The following PCDHA6 variants were observed in gnomAD, a reference collection of about 807,000 sequenced individuals.
PCDHA6 encodes protocadherin alpha-6.
A neutral mutation model predicts 60.3 loss-of-function variants in PCDHA6; 55 were observed. The ratio of observed to expected loss-of-function variants is 0.91; its 90% CI spans 0.73 to 1.14. PCDHA6 has a LOEUF of 1.14. Ranked by LOEUF, PCDHA6 falls within the 50% of genes most tolerant of loss-of-function variation. The pLI, the probability that PCDHA6 is intolerant of heterozygous loss-of-function variation, is 0.00. For missense variants in PCDHA6, 1,327 were observed against 1,256.5 expected (o/e 1.06, Z -0.85); for synonymous variants, 652 against 557.9 (o/e 1.17, Z -2.38).
intron 1 of PCDHA6, among the ~76,000 whole-genome samples, chr5:140,950,372 C>G (rs1369892292): frequency 1.3e-5 from 2 of 151,918 alleles, no homozygotes; most frequent in African/African-American, 4.8e-5. Context: ...ATCTATTTAT[C>G]TTCCATTTGA....
chr5:140,851,824 T>C (rs1336167909), intron 1 of PCDHA6: 1 of 964,578 alleles, frequency 1.0e-6, no homozygotes, highest in Non-Finnish European at 1.3e-6. Context: ...CAGAAATCTG[T>C]TTTTTTAAAA....
intron 1 of PCDHA6, chr5:140,967,751 T>G: frequency 6.2e-7 from 1 of 1,614,138 alleles, no homozygotes; most frequent in African/African-American, 1.3e-5. Context: ...TGAGGAAGCC[T>G]CCTCCTACCA....
intron 2 of PCDHA6, among the ~76,000 whole-genome samples, chr5:140,982,016 A>C (rs2096962660): frequency 6.6e-6 from 1 of 152,260 alleles, no homozygotes; most frequent in African/African-American, 2.4e-5. Context: ...TTAGATAGCC[A>C]AATTGGAACA....
chr5:140,990,332 T>C (rs1458187543), intron 3 of PCDHA6, among the ~76,000 whole-genome samples: 1 of 152,100 alleles, frequency 6.6e-6, no homozygotes, highest in Non-Finnish European at 1.5e-5. Flanking sequence ...ACTTTAAAAA[T>C]AAGTAAAGCC....
chr5:140,882,731 G>C, intron 1 of PCDHA6: 1 of 1,614,232 alleles, frequency 6.2e-7, no homozygotes, highest in Non-Finnish European at 8.5e-7. Flanking sequence ...ATTTCCACTA[G>C]ATGGCGCATC....
chr5:140,865,725 A>T (rs1326307411), intron 1 of PCDHA6: 1 of 152,210 alleles, frequency 6.6e-6, no homozygotes, highest in Non-Finnish European at 1.5e-5. Context: ...AGAAGCTGAG[A>T]TGTGTATCTA....
intron 1 of PCDHA6, chr5:140,875,972 T>C (rs782102743): frequency 3.1e-6 from 5 of 1,614,068 alleles, no homozygotes; most frequent in Non-Finnish European, 4.2e-6. Flanking sequence ...GTAAACTCTC[T>C]TTTGACCTAT....
chr5:140,890,635 C>G (rs1015207309), intron 1 of PCDHA6, among the ~76,000 whole-genome samples: 1 of 152,114 alleles, frequency 6.6e-6, no homozygotes, highest in Non-Finnish European at 1.5e-5. Flanking sequence ...AAGCATGTAT[C>G]CTTGATATAT....
At chr5:140,973,862 A>G (rs1438238778) in intron 1 of PCDHA6, among the ~76,000 whole-genome samples, 2 of 152,196 alleles carry the variant, frequency 1.3e-5, no homozygotes, top group Non-Finnish European at 2.9e-5. Flanking sequence ...TTTGCTCTCA[A>G]TGAGAGGTCA....
chr5:140,927,037 G>T lies in PCDHA6; in HGVS notation c.2395-51912G>T, dbSNP rs782765718. On this transcript the variant is annotated intron_variant, in intron 1 of 3. Coordinates refer to ENST00000529310, the MANE Select transcript of PCDHA6 (RefSeq NM_018909.4). ...CGCGGACTTGAGGCTGCCAGCGGCC[G>T]CTATGTCCTCGCGGAACTTTCGCTT... The T allele has an allele frequency of 3.7e-6, 6 of 1,612,000 alleles. No homozygotes were observed. The Admixed American group carries it at 6.7e-5, about 18-fold the overall frequency.
chr5:140,917,329 G>GC (rs1563018868), intron 1 of PCDHA6, among the ~76,000 whole-genome samples: 1 of 143,930 alleles, frequency 6.9e-6, no homozygotes, highest in Non-Finnish European at 1.5e-5. Flanking sequence ...TGTGGCGGGG[G>GC]AGGGGGGGGA....
At chr5:141,008,784 A>G (rs541946217) in intron 3 of PCDHA6, among the ~76,000 whole-genome samples, 2 of 152,320 alleles carry the variant, frequency 1.3e-5, no homozygotes, top group East Asian at 3.9e-4. Flanking sequence ...ATTGGCTCCC[A>G]GTGTTTTATC....
At chr5:140,875,278 T>A in intron 1 of PCDHA6, 1 of 1,326,774 alleles carries the variant, frequency 7.5e-7, no homozygotes, top group Non-Finnish European at 9.9e-7. Context: ...ACTCAGAAGG[T>A]GAAACAGGAA....
At chr5:140,843,385 T>C (rs2150358841) in intron 1 of PCDHA6, 2 of 1,595,900 alleles carry the variant, frequency 1.3e-6, no homozygotes, top group Admixed American at 1.7e-5. Context: ...GCGTTTTGGG[T>C]CCGGAAGCGG....
intron 1 of PCDHA6, chr5:140,871,169 A>AG: frequency 6.2e-7 from 1 of 1,613,520 alleles, no homozygotes; most frequent in Non-Finnish European, 8.5e-7. Flanking sequence ...GCGAGCCCAG[A>AG]GGCTGCGCTG....
intron 1 of PCDHA6, chr5:140,968,123 C>A: frequency 6.2e-7 from 1 of 1,614,178 alleles, no homozygotes; most frequent in Non-Finnish European, 8.5e-7. Context: ...CACATCCCTG[C>A]GTACACTGAA....
chr5:140,866,796 G>T (rs1360079320), intron 1 of PCDHA6: 1 of 152,128 alleles, frequency 6.6e-6, no homozygotes, highest in African/African-American at 2.4e-5. Flanking sequence ...TATAGTAAAA[G>T]TCAGGCACAA....
chr5:140,870,722 G>C (rs1554164638), intron 1 of PCDHA6: 20 of 1,613,222 alleles, frequency 1.2e-5, no homozygotes, highest in Non-Finnish European at 1.4e-5. Context: ...CGCGATGCGG[G>C]CGTGCCGCCT....
At chr5:140,898,894 G>A (rs1200031286) in intron 1 of PCDHA6, among the ~76,000 whole-genome samples, 5 of 152,102 alleles carry the variant, frequency 3.3e-5, no homozygotes, top group African/African-American at 9.7e-5. Context: ...TCTCCTTGAA[G>A]AGGTCCTTCA....
Sources: allele counts gnomAD v4.1 joint callset (sites outside exome capture counted in the v4.1 genomes callset), GRCh38; gene constraint gnomAD v4.1.1; transcripts MANE v1.5; gene names NCBI Gene and HGNC (gene_info 2026-07-23, HGNC 2026-07-21).